SEC22B: variants seen among roughly 807,000 people sequenced by gnomAD.
The protein encoded by SEC22B is SEC22 homolog B, vesicle trafficking protein.
In SEC22B, 10 loss-of-function variants were observed where a neutral mutation model predicts 31.4. That is an observed-to-expected ratio of 0.32 (90% confidence interval 0.20 to 0.54). SEC22B has a LOEUF of 0.54. SEC22B is among the 20% of genes least tolerant of loss of function. SEC22B has a pLI of 0.94. For missense variants in SEC22B, 130 were observed against 263.4 expected (o/e 0.49, Z 3.50); for synonymous variants, 60 against 95.9 (o/e 0.63, Z 2.19).
chr1:120,161,172 T>C (rs1657710735), intron 3 of SEC22B, among the ~76,000 whole-genome samples: 1 of 152,144 alleles, frequency 6.6e-6, no homozygotes, highest in Middle Eastern at 3.2e-3. Context: ...AACAGTATTC[T>C]GAGGACCCTT....
intron 1 of SEC22B, among the ~76,000 whole-genome samples, chr1:120,170,714 A>G (rs1189309462): frequency 2.7e-5 from 4 of 145,604 alleles, no homozygotes; most frequent in Non-Finnish European, 4.5e-5. Flanking sequence ...TATATATTAA[A>G]CAGTACTTTA....
At chr1:120,168,091 C>T (rs1258579914) in intron 2 of SEC22B, among the ~76,000 whole-genome samples, 1 of 151,838 alleles carries the variant, frequency 6.6e-6, no homozygotes, top group Admixed American at 6.6e-5. Context: ...CAGCTTCCTC[C>T]CTGGCCTAAG....
intron 1 of SEC22B, among the ~76,000 whole-genome samples, chr1:120,171,223 T>A (rs1657891444): frequency 7.8e-6 from 1 of 128,804 alleles, no homozygotes; most frequent in Admixed American, 7.1e-5. Flanking sequence ...GTTAAATATA[T>A]GTTCTTTGCT....
intron 2 of SEC22B, among the ~76,000 whole-genome samples, chr1:120,166,573 C>T (rs1483968942): frequency 7.1e-6 from 1 of 141,150 alleles, no homozygotes; most frequent in Non-Finnish European, 1.5e-5. Context: ...ATGTAGGAGC[C>T]AAAAAAAATT....
chr1:120,163,945 C>CTTTTCTTT lies in SEC22B; in HGVS notation c.186-576_186-575insAAAGAAAA, dbSNP rs1553229598. On this transcript the variant is annotated intron_variant, in intron 2 of 4. Transcript: ENST00000578049. ...TATAATTTTTCATCCATTAGATTCT[C>CTTTTCTTT]TTTTTTTTTTTTTTTTTTTTTTTTG... is the stretch of plus-strand genomic sequence containing the variant. 1.0e-3 allele frequency among the ~76,000 whole-genome samples: 71 copies of CTTTTCTTT among 68,924 alleles called. 1 individual carries two copies. Among genetic ancestry groups the CTTTTCTTT allele is most frequent in the African/African-American group, 4.4e-3 (68 of 15,408 alleles). The allele number at this position is 68,924 out of a possible 152,430, so 45.2% of individuals were successfully genotyped here.
chr1:120,157,228 C>A (rs1657641337), intron 4 of SEC22B, 36 bp from the exon 5 acceptor site: 39 of 1,297,260 alleles, frequency 3.0e-5, no homozygotes, highest in Non-Finnish European at 4.0e-5. Context: ...ATTAATTAGT[C>A]CCTGGAAGTA....
chr1:120,168,821 A>G lies in SEC22B; in HGVS notation c.185+19T>C. On this transcript the variant is annotated intron_variant, in intron 2 of 4. Transcript: ENST00000578049. Reference sequence around the variant, plus strand: ...GTATTTCACTTAAATGATCATAAAGAAATCAAGATTACACTCACTGAAAAG... The same window carrying G: ...GTATTTCACTTAAATGATCATAAAGGAATCAAGATTACACTCACTGAAAAG... The G allele has an allele frequency of 2.2e-6, 2 of 905,848 alleles. No homozygotes were observed. Among genetic ancestry groups the G allele is most frequent in the Middle Eastern group, 2.3e-4 (1 of 4,340 alleles). 56.1% of individuals were successfully genotyped at this position (905,848 alleles called of 1,614,324 possible).
At position 120,153,265 on chromosome 1, in the gene SEC22B, CAAACA is replaced by C. The variant is rs1321645732; in HGVS notation, c.*3768_*3772del. 1.4e-5 allele frequency: 2 copies of C among 145,558 alleles called. No homozygotes were observed. Among genetic ancestry groups the C allele is most frequent in the Non-Finnish European group, 3.0e-5 (2 of 67,656 alleles). 9.0% of individuals were successfully genotyped at this position (145,558 alleles called of 1,614,324 possible). A position where few individuals can be genotyped will look rare whatever the true frequency, so the allele number is the denominator to read the frequency against. ...GGAAAAAACCAACCAACCAACCAAC[CAAACA>C]AAAGAAAAACCCACCAGGTAGGAGT... On this transcript the variant is annotated 3_prime_UTR_variant, in exon 5 of 5. Transcript: ENST00000578049.
At chr1:120,171,799 T>C (rs1473835267) in intron 1 of SEC22B, among the ~76,000 whole-genome samples, 3 of 139,084 alleles carry the variant, frequency 2.2e-5, no homozygotes, top group African/African-American at 9.8e-5. Flanking sequence ...ATAAACACTG[T>C]TAACATTTTG....
At chr1:120,175,765 GGAAT>G (rs1657949597) in intron 1 of SEC22B, among the ~76,000 whole-genome samples, 1 of 152,160 alleles carries the variant, frequency 6.6e-6, no homozygotes, top group Non-Finnish European at 1.5e-5. Context: ...ATGTATTGCA[GGAAT>G]GTGGTACGGC....
At chr1:120,176,082 T>C (rs1341698468) in intron 1 of SEC22B, among the ~76,000 whole-genome samples, 1 of 152,176 alleles carries the variant, frequency 6.6e-6, no homozygotes, top group East Asian at 1.9e-4. Flanking sequence ...CCAGAGCGTT[T>C]TTCTAAAGAG....
chr1:120,175,382 A>G (rs1657940342), intron 1 of SEC22B, among the ~76,000 whole-genome samples: 2 of 123,418 alleles, frequency 1.6e-5, no homozygotes, highest in African/African-American at 3.2e-5. Flanking sequence ...TGTGCAAACT[A>G]TTTTTTCAAT....
chr1:120,169,160 A>G (rs1424572676), intron 1 of SEC22B, among the ~76,000 whole-genome samples: 2 of 152,214 alleles, frequency 1.3e-5, no homozygotes, highest in Non-Finnish European at 2.9e-5. Context: ...ATTTGCTAAG[A>G]AGCAAAAGCA....
In SEC22B at chr1:120,152,695, ATT is replaced by A. The variant is rs1210094602; in HGVS notation, c.*4341_*4342del. ...AAAGGAAGACGTGATAATGAAGTAA[ATT>A]TAAAAAGTACGGAATAATAAAAAGA... On this transcript the variant is annotated 3_prime_UTR_variant, in exon 5 of 5. Coordinates refer to ENST00000578049, the MANE Select transcript of SEC22B (RefSeq NM_004892.6). 9.7e-5 allele frequency: 14 copies of A among 144,010 alleles called. No individual in the cohort carries two copies. Among genetic ancestry groups the A allele is most frequent in the South Asian group, 2.2e-4 (1 of 4,600 alleles). 8.9% of individuals were successfully genotyped at this position (144,010 alleles called of 1,614,324 possible).
At position 120,152,597 on chromosome 1, in the gene SEC22B, G is replaced by C. The variant is rs1459493631; in HGVS notation, c.*4441C>G. 1 of 150,610 alleles carries C rather than the reference G, an allele frequency of 6.6e-6. No homozygotes were observed. The highest frequency in any genetic ancestry group is 1.5e-5 in the Non-Finnish European group (1 of 67,730). 9.3% of individuals were successfully genotyped at this position (150,610 alleles called of 1,614,324 possible). On this transcript the variant is annotated 3_prime_UTR_variant, in exon 5 of 5. Coordinates refer to ENST00000578049, the MANE Select transcript of SEC22B (RefSeq NM_004892.6). ...ATCAAATGAGAAAGGAGCAAATAAG[G>C]AAAGAGGTATTACAAACCAAGAGTA...
chr1:120,165,501 T>C (rs1172919990), intron 2 of SEC22B, among the ~76,000 whole-genome samples: 3 of 152,086 alleles, frequency 2.0e-5, no homozygotes, highest in African/African-American at 7.2e-5. Context: ...TACACACACA[T>C]GCAAATATAT....
chr1:120,159,441 C>A (rs1356646081), intron 4 of SEC22B: 4 of 150,184 alleles, frequency 2.7e-5, no homozygotes, highest in African/African-American at 9.9e-5. Context: ...AAAAAATATA[C>A]GAAATTATAT....
chr1:120,165,070 T>C (rs1657784720), intron 2 of SEC22B, among the ~76,000 whole-genome samples: 1 of 152,184 alleles, frequency 6.6e-6, no homozygotes, highest in Admixed American at 6.5e-5. Context: ...TATCTGCTCA[T>C]GTCTTTTGTC....
rs1242516376 is a variant in SEC22B at position 120,166,566 on chromosome 1, T to C, written c.185+2274A>G. Reference sequence around the variant, plus strand: ...AATATGGCATGTTCTCATTCATATGTAGGAGCCAAAAAAAATTTTTGAGCT... The same window carrying C: ...AATATGGCATGTTCTCATTCATATGCAGGAGCCAAAAAAAATTTTTGAGCT... On this transcript the variant is annotated intron_variant, in intron 2 of 4. Coordinates refer to ENST00000578049, the MANE Select transcript of SEC22B (RefSeq NM_004892.6). 9.9e-3 allele frequency among the ~76,000 whole-genome samples: 1,415 copies of C among 142,712 alleles called. 10 individuals are homozygous for C. Among genetic ancestry groups the C allele is most frequent in the Middle Eastern group, 0.034 (10 of 292 alleles). The allele number at this position is 142,712 out of a possible 152,430, so 93.6% of individuals were successfully genotyped here.
Sources: allele counts gnomAD v4.1 joint callset (sites outside exome capture counted in the v4.1 genomes callset), GRCh38; gene constraint gnomAD v4.1.1; transcripts MANE v1.5; gene names NCBI Gene and HGNC (gene_info 2026-07-23, HGNC 2026-07-21).